The following DLEC1 variants were observed in gnomAD, a reference collection of about 807,000 sequenced individuals.
The protein encoded by DLEC1 is deleted in lung and esophageal cancer protein 1.
In DLEC1, 146 loss-of-function variants were observed where a neutral mutation model predicts 198.1. That is an observed-to-expected ratio of 0.74 (90% confidence interval 0.64 to 0.85). The LOEUF is 0.85. Among genes scored for constraint, DLEC1 ranks in the 40% least tolerant of loss-of-function variants. DLEC1 has a pLI of 0.00. For missense variants in DLEC1, 2,233 were observed against 2,220.0 expected (o/e 1.01, Z -0.12); for synonymous variants, 897 against 866.8 (o/e 1.03, Z -0.61).
intron 27 of DLEC1, among the ~76,000 whole-genome samples, chr3:38,115,284 C>T (rs536073878): frequency 2.6e-5 from 4 of 152,312 alleles, no homozygotes; most frequent in South Asian, 4.1e-4. Flanking sequence ...TTCCTCCAGC[C>T]GGCAGGACCT....
chr3:38,039,375 C>G lies in DLEC1; in HGVS notation c.150C>G (p.Ala50=), dbSNP rs1290752683. Residue 50 remains alanine, a synonymous_variant, in exon 1 of 37, where the codon GCC becomes GCG. Transcript: ENST00000308059. ...AGTCCTCCTTGTATTCCTCCCTCGCCTACTCTGAGGCCTTCCACTACAGCT... is the reference window on the plus strand; with the variant it reads ...AGTCCTCCTTGTATTCCTCCCTCGCGTACTCTGAGGCCTTCCACTACAGCT... ...TWKSSLYSSL[A]YSEAFHYSFA... 6.2e-7 allele frequency: 1 copy of G among 1,614,240 alleles called. No homozygotes were observed. The highest frequency in any genetic ancestry group is 8.5e-7 in the Non-Finnish European group (1 of 1,180,040).
chr3:38,122,609 A>T lies in DLEC1; in HGVS notation c.*197A>T. On this transcript the variant is annotated 3_prime_UTR_variant, in exon 37 of 37. Transcript: ENST00000308059. ...TATGTCCTCAGAGCTAACATAAAGGACAGGCCACACCACAGCAGAGACCAC... is the reference window on the plus strand; with the variant it reads ...TATGTCCTCAGAGCTAACATAAAGGTCAGGCCACACCACAGCAGAGACCAC... 1 of 1,564,070 alleles carries T rather than the reference A, an allele frequency of 6.4e-7. No homozygotes were observed. Among genetic ancestry groups the T allele is most frequent in the Non-Finnish European group, 8.6e-7 (1 of 1,159,098 alleles).
intron 6 of DLEC1, among the ~76,000 whole-genome samples, chr3:38,068,126 T>C (rs1426038849): frequency 6.6e-6 from 1 of 152,204 alleles, no homozygotes; most frequent in Non-Finnish European, 1.5e-5. Context: ...GACCTAATCT[T>C]GTAAGTTGCA....
At chr3:38,121,832 A>C in intron 35 of DLEC1, 51 bp downstream of exon 35, 1 of 1,592,162 alleles carries the variant, frequency 6.3e-7, no homozygotes, top group Non-Finnish European at 8.6e-7. Context: ...GGCTGTGCCA[A>C]GAGAAGACCC....
intron 12 of DLEC1, 72 bp from the exon 13 acceptor site, chr3:38,094,807 A>T (rs868410506): frequency 6.5e-7 from 1 of 1,549,740 alleles, no homozygotes; most frequent in South Asian, 1.2e-5. Context: ...GGAGCAGGGC[A>T]GGGAGGCATG....
At chr3:38,043,653 A>G (rs962210173) in intron 1 of DLEC1, among the ~76,000 whole-genome samples, 1 of 152,168 alleles carries the variant, frequency 6.6e-6, no homozygotes, top group African/African-American at 2.4e-5. Flanking sequence ...AGCAGAAACC[A>G]TATCTGATTC....
In DLEC1 at chr3:38,122,191, C is replaced by G. The variant is rs776318880; in HGVS notation, c.5141C>G (p.Ala1714Gly). Residue 1714 changes from alanine (A) to glycine (G), a missense_variant, in exon 36 of 37, where the codon GCC becomes GGC. Physicochemically the swap from Ala to Gly is moderately conservative, Grantham distance 60. Coordinates refer to ENST00000308059, the MANE Select transcript of DLEC1 (RefSeq NM_007335.4). ...ATCGCCTTGCAGGTTTTCTTCACTG[C>G]CAGGTGCAGCCCCTTCCAACCTTCC... ...TSIALQVFFT[A>G]RSSELYESTM... 6.2e-7 allele frequency: 1 copy of G among 1,613,872 alleles called. No individual in the cohort carries two copies. Among genetic ancestry groups the G allele is most frequent in the South Asian group, 1.1e-5 (1 of 91,034 alleles).
intron 6 of DLEC1, among the ~76,000 whole-genome samples, chr3:38,073,484 G>A (rs1242524293): frequency 6.6e-6 from 1 of 152,132 alleles, no homozygotes; most frequent in Non-Finnish European, 1.5e-5. Flanking sequence ...TGCCAGGGAA[G>A]GAGTAGAGAT....
At chr3:38,099,461 A>G (rs1352664386) in intron 18 of DLEC1, among the ~76,000 whole-genome samples, 2 of 152,170 alleles carry the variant, frequency 1.3e-5, no homozygotes, top group East Asian at 1.9e-4. Context: ...TCTGCACTCT[A>G]TTCTTTTGAG....
intron 1 of DLEC1, 141 bp downstream of exon 1, chr3:38,039,777 C>A: frequency 8.7e-7 from 1 of 1,149,334 alleles, no homozygotes; most frequent in East Asian, 2.6e-5. Context: ...GAAGTGGGCC[C>A]GACATTCTAG....
chr3:38,064,014 T>C (rs35920756), intron 6 of DLEC1, 95 bp downstream of exon 6: 17 of 897,886 alleles, frequency 1.9e-5, no homozygotes, highest in South Asian at 6.9e-5. Flanking sequence ...TTTCTTTTTT[T>C]TTTTTTTTTT....
In DLEC1 at chr3:38,039,412, C is replaced by T; in HGVS notation, c.187C>T (p.Pro63Ser). Reference sequence around the variant, plus strand: ...CTTCCACTACAGCTTCGCAGCCCGGCCCCGCCGCCTCACGCAGCTTGCGCT... The same window carrying T: ...CTTCCACTACAGCTTCGCAGCCCGGTCCCGCCGCCTCACGCAGCTTGCGCT... ...EAFHYSFAAR[P>S]RRLTQLALAQ... The change falls in exon 1 of 37, where the codon CCC (proline) becomes TCC (serine). Residue 63 changes from proline to serine, a missense_variant. Pro to Ser is a moderately conservative substitution (Grantham distance 74, BLOSUM62 -1). Transcript: ENST00000308059. 2 of 1,613,910 alleles carry T rather than the reference C, an allele frequency of 1.2e-6. No homozygotes were observed. Among genetic ancestry groups the T allele is most frequent in the Non-Finnish European group, 1.7e-6 (2 of 1,179,854 alleles).
intron 1 of DLEC1, among the ~76,000 whole-genome samples, chr3:38,041,093 C>T (rs1355146568): frequency 8.5e-5 from 13 of 152,128 alleles, no homozygotes; most frequent in Non-Finnish European, 1.5e-4. Context: ...TCACTGCAAG[C>T]TCCACCTCCC....
intron 2 of DLEC1, among the ~76,000 whole-genome samples, chr3:38,052,679 T>C (rs926383485): frequency 1.3e-5 from 2 of 152,216 alleles, no homozygotes; most frequent in African/African-American, 4.8e-5. Context: ...GAGGGAAGTT[T>C]ATCTGAGATC....
At chr3:38,076,713 T>A (rs994633446) in intron 6 of DLEC1, among the ~76,000 whole-genome samples, 19 of 152,218 alleles carry the variant, frequency 1.2e-4, no homozygotes, top group Non-Finnish European at 2.5e-4. Flanking sequence ...GGATGCAATG[T>A]CTTGGCTTGG....
At chr3:38,093,198 G>T (rs1698831163) in intron 11 of DLEC1, among the ~76,000 whole-genome samples, 1 of 152,136 alleles carries the variant, frequency 6.6e-6, no homozygotes, top group Non-Finnish European at 1.5e-5. Context: ...ATTGCCAGTG[G>T]CTCACACATA....
At chr3:38,043,946 T>C (rs1700768562) in intron 1 of DLEC1, among the ~76,000 whole-genome samples, 1 of 150,146 alleles carries the variant, frequency 6.7e-6, no homozygotes, top group Non-Finnish European at 1.5e-5. Context: ...ACTGTCTTCC[T>C]ACATAAACTG....
intron 2 of DLEC1, among the ~76,000 whole-genome samples, chr3:38,046,976 G>C (rs1046039516): frequency 3.7e-4 from 56 of 152,154 alleles, no homozygotes; most frequent in African/African-American, 1.3e-3. Context: ...ACCAGACTTA[G>C]GCAAACATTC....
chr3:38,063,779 C>T (rs991991658), intron 5 of DLEC1, 62 bp from the exon 6 acceptor site: 31 of 1,190,084 alleles, frequency 2.6e-5, no homozygotes, highest in Admixed American at 6.9e-5. Context: ...CAGTCACTGC[C>T]TACTATTTCA....
Sources: gnomAD v4.1 joint callset for allele counts (sites outside exome capture counted in the v4.1 genomes callset) on GRCh38, gnomAD v4.1.1 for gene constraint, MANE v1.5 for transcripts, NCBI Gene and HGNC (gene_info 2026-07-23, HGNC 2026-07-21) for gene names.